Variants in CFAP74 observed in about 807,000 individuals in gnomAD.
CFAP74 encodes cilia- and flagella-associated protein 74.
Under a neutral mutation model 188.9 loss-of-function variants are expected in CFAP74, and 124 were observed. The observed-to-expected ratio is 0.66, with a 90% CI of 0.57 to 0.76. The LOEUF (loss-of-function observed/expected upper bound fraction) is 0.76, where lower values mean the gene tolerates loss of function less well. Ranked by LOEUF, CFAP74 falls within the 30% of genes least tolerant of loss-of-function variation. The pLI is 0.00. For missense variants in CFAP74, 2,198 were observed against 2,165.2 expected, an observed-to-expected ratio of 1.02 and a Z score of -0.30; for synonymous variants, 956 against 916.7, an observed-to-expected ratio of 1.04 and a Z score of -0.77.
rs377024187 is a variant in CFAP74, at chr1:1,924,379, C to T, written c.4234+12G>A. ...CCCGCAGCTCACCACCCACCCCCCA[C>T]CCCCCGCTCACCGACCACCTCCGTC... On this transcript the variant is annotated intron_variant, in intron 34 of 38. Coordinates refer to ENST00000682832, the MANE Select transcript of CFAP74 (RefSeq NM_001304360.2). 3.9e-5 allele frequency: 21 copies of T among 538,444 alleles called. No individual in the cohort carries two copies. Among genetic ancestry groups the T allele is most frequent in the Non-Finnish European group, 5.1e-5 (19 of 372,636 alleles). The allele number at this position is 538,444 out of a possible 1,614,324, so 33.4% of individuals were successfully genotyped here. A position where few individuals can be genotyped will look rare whatever the true frequency, so the allele number is the denominator to read the frequency against.
rs183841653 is a variant in CFAP74, at chr1:1,980,563, C to T, written c.500+4823G>A. On this transcript the variant is annotated intron_variant, in intron 6 of 38. Coordinates refer to ENST00000682832, the MANE Select transcript of CFAP74 (RefSeq NM_001304360.2). The stretch of plus-strand genomic sequence containing the variant: ...GCTGAGGACCGGGAGGTGGTGTGAG[C>T]GGGCAGGGTCGTCTCTAGGGCCTTC... Among the ~76,000 whole-genome samples, 531 of 152,290 alleles carry T rather than the reference C, an allele frequency of 3.5e-3. 3 individuals are homozygous for T. Among genetic ancestry groups the T allele is most frequent in the African/African-American group, 0.012 (503 of 41,552 alleles).
rs1570938141 is a variant in CFAP74, at chr1:1,968,803, C to T, written c.1077G>A (p.Lys359=). 1 of 1,614,112 alleles carries T rather than the reference C, an allele frequency of 6.2e-7. No individual in the cohort carries two copies. The highest frequency in any genetic ancestry group is 2.2e-5 in the East Asian group (1 of 44,876). ...TCAGAATCCGACTGATGATCTCCTG[C>T]TTTCTGAGCTTCTGCTCCTCCTCAA... ...RAFEEEQKLR[K]QEIISRILKE... is the part of the protein sequence containing the mutation. The change falls in exon 11 of 39, where the codon AAG becomes AAA. Residue 359 remains lysine, a synonymous_variant. Coordinates refer to ENST00000682832, the MANE Select transcript of CFAP74 (RefSeq NM_001304360.2). This position sits in a 1 kb window ranked among gnomAD's most constrained non-coding sequence, Gnocchi z 4.3.
At chr1:1,955,213 C>T in intron 18 of CFAP74, 5 of 1,289,354 alleles carry the variant, frequency 3.9e-6, no homozygotes, top group Non-Finnish European at 4.0e-6. Context: ...GGAAAACGAT[C>T]AAGAGAAGCA....
chr1:1,946,809 G>C (rs1450216344), intron 19 of CFAP74, among the ~76,000 whole-genome samples, 181 bp downstream of exon 19: 3 of 152,216 alleles, frequency 2.0e-5, no homozygotes, highest in African/African-American at 7.2e-5. Flanking sequence ...CCCCATGCCA[G>C]CTGAGATTAC....
At chr1:2,003,390 ACACT>A (rs1359346544) in intron 1 of CFAP74, among the ~76,000 whole-genome samples, 1 of 152,218 alleles carries the variant, frequency 6.6e-6, no homozygotes, top group Non-Finnish European at 1.5e-5. Context: ...AGCTAGGCAG[ACACT>A]CACGAGTCTT....
chr1:1,980,155 G>A lies in CFAP74; in HGVS notation c.500+5231C>T, dbSNP rs566601757. ...CCCTCTTACCGCGTGGGGAGGACGG[G>A]TGAACGAGAGACTGTATCTAAGCCA... On this transcript the variant is annotated intron_variant, in intron 6 of 38. Coordinates refer to ENST00000682832, the MANE Select transcript of CFAP74 (RefSeq NM_001304360.2). Among the ~76,000 whole-genome samples the A allele has an allele frequency of 2.4e-3, 166 of 70,514 alleles. 1 individual carries two copies. Among genetic ancestry groups the A allele is most frequent in the Middle Eastern group, 0.01 (2 of 198 alleles). 46.3% of individuals were successfully genotyped at this position (70,514 alleles called of 152,430 possible). A position where few individuals can be genotyped will look rare whatever the true frequency, so the allele number is the denominator to read the frequency against.
intron 1 of CFAP74, among the ~76,000 whole-genome samples, chr1:1,994,174 TA>T (rs5772056): frequency 0.074 from 8,513 of 114,684 alleles, 285 homozygotes; most frequent in Admixed American, 0.16. Flanking sequence ...CTAAAAGGGT[TA>T]AAAAAAAAAA....
intron 18 of CFAP74, chr1:1,955,467 C>T (rs911530133): frequency 1.2e-5 from 19 of 1,568,062 alleles, no homozygotes; most frequent in Non-Finnish European, 1.6e-5. Flanking sequence ...GAGGTGCCTT[C>T]AAGTCTTCGG....
intron 6 of CFAP74, among the ~76,000 whole-genome samples, chr1:1,981,974 CG>C (rs199955874): frequency 3.1e-5 from 3 of 97,852 alleles, no homozygotes; most frequent in African/African-American, 4.3e-5. Context: ...CGGACAGACA[CG>C]GGGGGCACGC....
At chr1:1,963,889 G>T in intron 13 of CFAP74, 22 bp from the exon 14 acceptor site, 1 of 1,514,110 alleles carries the variant, frequency 6.6e-7, no homozygotes, top group Non-Finnish European at 9.2e-7. Flanking sequence ...CGAGGTAGCA[G>T]CTTCAGAGCG....
At chr1:1,981,617 A>T (rs1187765076) in intron 6 of CFAP74, among the ~76,000 whole-genome samples, 3 of 68,874 alleles carry the variant, frequency 4.4e-5, no homozygotes, top group Non-Finnish European at 5.5e-5. Context: ...ACAGCCGCGG[A>T]CAGACACGGG....
chr1:1,987,294 G>A (rs372677230), intron 4 of CFAP74, among the ~76,000 whole-genome samples: 134 of 152,322 alleles, frequency 8.8e-4, no homozygotes, highest in African/African-American at 3.0e-3. Flanking sequence ...GTGCAGGAGC[G>A]GGAGGGAACC....
At chr1:1,970,492 C>T (rs886490092) in intron 10 of CFAP74, among the ~76,000 whole-genome samples, 167 bp downstream of exon 10, 1 of 152,166 alleles carries the variant, frequency 6.6e-6, no homozygotes, top group African/African-American at 2.4e-5. Context: ...CCAGGCAGGG[C>T]AAGGGTAGCA....
chr1:1,923,494 G>A lies in CFAP74; in HGVS notation c.4395C>T (p.Ile1465=), dbSNP rs1042420871. Residue 1465 remains isoleucine, a synonymous_variant, in exon 36 of 39, where the codon ATC becomes ATT. Transcript: ENST00000682832. The surrounding 1 kb of genome is among the most constrained non-coding windows in gnomAD (Gnocchi z 6.3). ...CACCCTTCAGCAGGATCTGGTGGGA[G>A]ATTTTCTGGGGACAAGAAGTGGAGT... ...KLQVVLFEKK[I]SHQILLKGAA... The A allele has an allele frequency of 1.9e-6, 3 of 1,608,504 alleles. No homozygotes were observed. Among genetic ancestry groups the A allele is most frequent in the African/African-American group, 2.7e-5 (2 of 74,850 alleles).
At chr1:1,991,108 T>C in intron 1 of CFAP74, 133 bp from the exon 2 acceptor site, 1 of 606,404 alleles carries the variant, frequency 1.6e-6, no homozygotes, top group Non-Finnish European at 2.9e-6. Flanking sequence ...AGCACACACA[T>C]ATCTGACACA....
At chr1:1,926,618 G>C in intron 30 of CFAP74, 34 bp downstream of exon 30, 4 of 1,545,190 alleles carry the variant, frequency 2.6e-6, no homozygotes, top group Non-Finnish European at 3.5e-6. Flanking sequence ...CCTGGGCACC[G>C]GGGTGGAGGT....
intron 6 of CFAP74, chr1:1,984,599 C>T (rs1427544852): frequency 1.3e-5 from 2 of 152,194 alleles, no homozygotes; most frequent in Non-Finnish European, 2.9e-5. Flanking sequence ...TCACAGCGAG[C>T]GTGGGTCAGA....
At chr1:1,994,111 G>T (rs542720549) in intron 1 of CFAP74, among the ~76,000 whole-genome samples, 1 of 151,272 alleles carries the variant, frequency 6.6e-6, no homozygotes, top group Non-Finnish European at 1.5e-5. Context: ...GCTGCCGTGA[G>T]CTGTGATTGT....
chr1:1,936,850 G>A (rs1406932461), intron 25 of CFAP74, among the ~76,000 whole-genome samples: 2 of 151,090 alleles, frequency 1.3e-5, no homozygotes, highest in African/African-American at 2.4e-5. Context: ...AGGCTGCAGT[G>A]AGCCGTGATT....
Sources: gnomAD v4.1 joint callset for allele counts (sites outside exome capture counted in the v4.1 genomes callset) on GRCh38, gnomAD v4.1.1 for gene constraint, Gnocchi (gnomAD v3.1) non-coding constraint, MANE v1.5 for transcripts, NCBI Gene and HGNC (gene_info 2026-07-23, HGNC 2026-07-21) for gene names.